The following AKT3 variants were observed in gnomAD, a reference collection of about 807,000 sequenced individuals.
The protein encoded by AKT3 is AKT serine/threonine kinase 3.
Under a neutral mutation model 65.3 loss-of-function variants are expected in AKT3, and 15 were observed. That is an observed-to-expected ratio of 0.23 (90% CI 0.15 to 0.35). AKT3 has a LOEUF of 0.35. AKT3 is among the 10% of genes least tolerant of loss of function. AKT3 has a pLI of 1.00. For missense variants in AKT3, 243 were observed against 576.5 expected, an observed-to-expected ratio of 0.42 and a Z score of 5.92; for synonymous variants, 206 against 183.8, an observed-to-expected ratio of 1.12 and a Z score of -0.98.
chr1:243,690,279 A>G (rs182582825), intron 3 of AKT3, among the ~76,000 whole-genome samples: 1 of 152,294 alleles, frequency 6.6e-6, no homozygotes, highest in Admixed American at 6.5e-5. Context: ...TGAGCAAGCT[A>G]GTAAACTCAA....
At chr1:243,694,060 C>T (rs1222131045) in intron 3 of AKT3, among the ~76,000 whole-genome samples, 1 of 152,092 alleles carries the variant, frequency 6.6e-6, no homozygotes, top group Non-Finnish European at 1.5e-5. Context: ...CTGTGACATA[C>T]AGTATGTCTT....
intron 2 of AKT3, among the ~76,000 whole-genome samples, chr1:243,790,123 T>C (rs1691521718): frequency 6.6e-6 from 1 of 152,206 alleles, no homozygotes. Flanking sequence ...ACCAGCTGCA[T>C]TAGCTACGAC....
chr1:243,507,854 T>C (rs960103043), intron 13 of AKT3, among the ~76,000 whole-genome samples: 1 of 152,202 alleles, frequency 6.6e-6, no homozygotes, highest in Non-Finnish European at 1.5e-5. Flanking sequence ...GGACCATCAA[T>C]GGCGATAACG....
chr1:243,718,465 T>C (rs116040573), intron 2 of AKT3, among the ~76,000 whole-genome samples: 3,367 of 152,270 alleles, frequency 0.022, 53 homozygotes, highest in Non-Finnish European at 0.031. Context: ...TGTTTTGTTT[T>C]TTTTCAGACA....
At chr1:243,518,879 A>G (rs1413328572) in intron 12 of AKT3, among the ~76,000 whole-genome samples, 1 of 152,218 alleles carries the variant, frequency 6.6e-6, no homozygotes, top group Non-Finnish European at 1.5e-5. Context: ...TAAGAAGGAT[A>G]AGACATCAGT....
At chr1:243,812,297 A>C (rs1202026351) in intron 2 of AKT3, among the ~76,000 whole-genome samples, 2 of 152,232 alleles carry the variant, frequency 1.3e-5, no homozygotes, top group Admixed American at 1.3e-4. Flanking sequence ...AATATCCAGA[A>C]TCTACAAAGA....
rs995419177 is a variant in AKT3 at position 243,502,678 on chromosome 1, G to A, written c.*2571C>T. The stretch of plus-strand genomic sequence containing the variant: ...GCTGACAGATCTGGAAGTGAAAATA[G>A]GGGATTCTCAAAATCAAAGCCAAGA... On this transcript the variant is annotated 3_prime_UTR_variant, in exon 14 of 14. Transcript: ENST00000673466. The A allele has an allele frequency of 4.2e-4, 99 of 233,084 alleles. No homozygotes were observed. The East Asian group carries it at 5.9e-3, about 14-fold the overall frequency. 14.4% of individuals were successfully genotyped at this position (233,084 alleles called of 1,614,324 possible). A position where few individuals can be genotyped will look rare whatever the true frequency, so the allele number is the denominator to read the frequency against.
intron 2 of AKT3, among the ~76,000 whole-genome samples, chr1:243,724,921 G>A (rs2148125044): frequency 6.6e-6 from 1 of 152,138 alleles, no homozygotes. Context: ...ACAAAAGTAG[G>A]GTTGGGCACA....
intron 2 of AKT3, among the ~76,000 whole-genome samples, chr1:243,728,362 G>A (rs1434151173): frequency 6.6e-6 from 1 of 152,140 alleles, no homozygotes; most frequent in African/African-American, 2.4e-5. Flanking sequence ...GTTCTAACCA[G>A]GTGGTGTACT....
chr1:243,745,575 C>CCTA (rs2148191269), intron 2 of AKT3, among the ~76,000 whole-genome samples: 1 of 152,136 alleles, frequency 6.6e-6, no homozygotes, highest in East Asian at 1.9e-4. Context: ...AGAATTTGTC[C>CCTA]CTATTCCCTT....
At chr1:243,675,411 G>C (rs560625764) in intron 3 of AKT3, among the ~76,000 whole-genome samples, 2 of 152,250 alleles carry the variant, frequency 1.3e-5, no homozygotes, top group African/African-American at 4.8e-5. Flanking sequence ...ATGTTAGCCA[G>C]GCTGGTCTCA....
At position 243,839,866 on chromosome 1, in the gene AKT3, C is replaced by CAAA. The variant is rs761747534; in HGVS notation, c.46+3256_46+3258dup. On this transcript the variant is annotated intron_variant, in intron 2 of 13. Transcript: ENST00000673466. The stretch of plus-strand genomic sequence containing the variant: ...TGAGACGGAGAACATGACTCCATCT[C>CAAA]AAAAAAAAAAAAAAAACAGAAAATA... Among the ~76,000 whole-genome samples, 52 of 72,656 alleles carry CAAA rather than the reference C, an allele frequency of 7.2e-4. 1 individual carries two copies. Among genetic ancestry groups the CAAA allele is most frequent in the African/African-American group, 2.4e-3 (48 of 20,302 alleles). 47.7% of individuals were successfully genotyped at this position (72,656 alleles called of 152,430 possible).
chr1:243,840,264 G>T (rs1223145212), intron 2 of AKT3, among the ~76,000 whole-genome samples: 1 of 152,110 alleles, frequency 6.6e-6, no homozygotes. Context: ...GGCAGCTCTG[G>T]AGTACAAAGA....
chr1:243,606,943 G>C (rs1296063591), intron 8 of AKT3, among the ~76,000 whole-genome samples: 1 of 152,248 alleles, frequency 6.6e-6, no homozygotes, highest in East Asian at 1.9e-4. Flanking sequence ...TTCAGAGGGT[G>C]CAAGCCCCAA....
At chr1:243,767,387 A>G (rs73128280) in intron 2 of AKT3, among the ~76,000 whole-genome samples, 6,511 of 152,244 alleles carry the variant, frequency 0.043, 195 homozygotes, top group Middle Eastern at 0.088. Context: ...TATCATGCCT[A>G]TGGTTTCGTT....
chr1:243,761,443 T>C (rs1195915969), intron 2 of AKT3, among the ~76,000 whole-genome samples: 2 of 152,004 alleles, frequency 1.3e-5, no homozygotes, highest in East Asian at 1.9e-4. Flanking sequence ...TTTAAAAATA[T>C]GGAAAAAATG....
chr1:243,730,655 G>T (rs1260675183), intron 2 of AKT3, among the ~76,000 whole-genome samples: 1 of 151,418 alleles, frequency 6.6e-6, no homozygotes, highest in Non-Finnish European at 1.5e-5. Flanking sequence ...GCCGCCGGCT[G>T]GGGTGAGGTG....
intron 10 of AKT3, among the ~76,000 whole-genome samples, chr1:243,555,138 C>T (rs942638160): frequency 2.0e-5 from 3 of 152,076 alleles, no homozygotes; most frequent in Non-Finnish European, 4.4e-5. Flanking sequence ...ATAATTAGAA[C>T]TGTTTGCCGT....
chr1:243,681,161 C>A (rs113174839), intron 3 of AKT3, among the ~76,000 whole-genome samples: 7 of 152,096 alleles, frequency 4.6e-5, no homozygotes, highest in Non-Finnish European at 1.0e-4. Context: ...GTTTCTCCAG[C>A]TATAAAATAG....
Sources: allele counts gnomAD v4.1 joint callset (sites outside exome capture counted in the v4.1 genomes callset), GRCh38; gene constraint gnomAD v4.1.1; transcripts MANE v1.5; gene names NCBI Gene and HGNC (gene_info 2026-07-23, HGNC 2026-07-21).